UGGT2: variants seen among roughly 807,000 people sequenced by gnomAD.
The protein encoded by UGGT2 is UDP-glucose glycoprotein glucosyltransferase 2, also known as UDP-glucose:glycoprotein glucosyltransferase 2.
In UGGT2, 180 loss-of-function variants were observed where a neutral mutation model predicts 192.1. The observed-to-expected ratio is 0.94, with a 90% CI of 0.83 to 1.06. The LOEUF (loss-of-function observed/expected upper bound fraction) is 1.06. Among genes scored for constraint, UGGT2 ranks in the 50% least tolerant of loss-of-function variants. The pLI, the probability that UGGT2 is intolerant of heterozygous loss-of-function variation, is 0.00. For missense variants in UGGT2, 1,849 were observed against 1,795.7 expected, an observed-to-expected ratio of 1.03 and a Z score of -0.54; for synonymous variants, 580 against 591.0, an observed-to-expected ratio of 0.98 and a Z score of 0.27.
chr13:95,875,114 C>A (rs1015261332), intron 29 of UGGT2, among the ~76,000 whole-genome samples: 1 of 152,066 alleles, frequency 6.6e-6, no homozygotes, highest in Non-Finnish European at 1.5e-5. Context: ...CACTTGATAT[C>A]GTCATTCTTT....
In UGGT2 at chr13:95,837,161, A is replaced by T; in HGVS notation, c.4326T>A (p.Ser1442=). 1 of 1,614,098 alleles carries T rather than the reference A, an allele frequency of 6.2e-7. No homozygotes were observed. Among genetic ancestry groups the T allele is most frequent in the Non-Finnish European group, 8.5e-7 (1 of 1,179,978 alleles). ...NNMIYQVAIK[S]LPQDWLWCET... is the part of the protein sequence containing the mutation. ...CACACCACAGCCAGTCTTGAGGAAG[A>T]GACTTAATGGCGACTTGGTAAATCA... The change falls in exon 37 of 39, where the codon TCT becomes TCA. Residue 1442 remains serine (S), a synonymous_variant. Transcript: ENST00000376747.
intron 1 of UGGT2, among the ~76,000 whole-genome samples, chr13:96,038,827 C>G (rs956929620): frequency 7.2e-5 from 11 of 152,086 alleles, no homozygotes; most frequent in African/African-American, 2.4e-4. Context: ...CCAATTACAG[C>G]ATCAATTCTA....
At chr13:95,972,768 A>G in intron 10 of UGGT2, 97 bp from the exon 11 acceptor site, 1 of 921,368 alleles carries the variant, frequency 1.1e-6, no homozygotes, top group Non-Finnish European at 1.7e-6. Context: ...CAGAGAGTAA[A>G]TATTTTAGGT....
At chr13:95,974,661 G>A (rs1012377569) in intron 10 of UGGT2, among the ~76,000 whole-genome samples, 4 of 152,182 alleles carry the variant, frequency 2.6e-5, no homozygotes, top group African/African-American at 4.8e-5. Context: ...AAAAACTAGT[G>A]TATATTTGAG....
At chr13:95,973,674 CAAAGT>C (rs900702400) in intron 10 of UGGT2, among the ~76,000 whole-genome samples, 1 of 152,134 alleles carries the variant, frequency 6.6e-6, no homozygotes, top group African/African-American at 2.4e-5. Context: ...GTCACTAAAG[CAAAGT>C]AGTCAAGATC....
At chr13:95,906,202 C>T (rs9525079) in intron 20 of UGGT2, among the ~76,000 whole-genome samples, 128,823 of 152,156 alleles carry the variant, frequency 0.85, 54,738 homozygotes, top group East Asian at 0.93. Flanking sequence ...TTCCAGTGTT[C>T]GATATTTTTC....
chr13:95,994,426 A>AATG (rs1296097131), intron 7 of UGGT2, among the ~76,000 whole-genome samples: 2 of 151,726 alleles, frequency 1.3e-5, no homozygotes, highest in East Asian at 3.8e-4. Flanking sequence ...TTTAAAAAAT[A>AATG]ATGATTTACT....
At chr13:95,933,309 G>A (rs946861930) in intron 17 of UGGT2, among the ~76,000 whole-genome samples, 1 of 152,040 alleles carries the variant, frequency 6.6e-6, no homozygotes. Context: ...ATTCAATCTT[G>A]GGAGACCAGG....
chr13:95,971,711 G>C (rs1047465291), intron 11 of UGGT2, among the ~76,000 whole-genome samples: 2 of 152,054 alleles, frequency 1.3e-5, no homozygotes, highest in African/African-American at 4.8e-5. Flanking sequence ...CTCTTTCTAT[G>C]TGTATTATAT....
rs747260957 is a variant in UGGT2 at position 95,990,066 on chromosome 13, A to G, written c.838T>C (p.Tyr280His). 29 of 1,589,656 alleles carry G rather than the reference A, an allele frequency of 1.8e-5. No individual in the cohort carries two copies. Among genetic ancestry groups the G allele is most frequent in the Non-Finnish European group, 2.2e-5 (26 of 1,166,564 alleles). Residue 280 changes from tyrosine to histidine, a missense_variant, in exon 8 of 39, where the codon TAT (tyrosine) becomes CAT (histidine). Physicochemically the swap from Tyr to His is moderately conservative, Grantham distance 83. Coordinates refer to ENST00000376747, the MANE Select transcript of UGGT2 (RefSeq NM_020121.4). The stretch of plus-strand genomic sequence containing the variant: ...GTCAGATTATCTCTAAGATCTGAAT[A>G]TATTTCTCTGCATCAAAATATTAAG... ...GFLFGKLKEI[Y>H]SDLRDNLTAF...
intron 34 of UGGT2, among the ~76,000 whole-genome samples, chr13:95,855,068 T>C (rs1889446986): frequency 6.9e-6 from 1 of 145,810 alleles, no homozygotes; most frequent in African/African-American, 2.6e-5. Context: ...GGCCAGAAGT[T>C]TGAGACCAGC....
At position 95,884,574 on chromosome 13, in the gene UGGT2, T is replaced by C; in HGVS notation, c.3145A>G (p.Ile1049Val). The C allele has an allele frequency of 6.2e-7, 1 of 1,613,970 alleles. No individual in the cohort carries two copies. Among genetic ancestry groups the C allele is most frequent in the Non-Finnish European group, 8.5e-7 (1 of 1,179,934 alleles). Reference sequence around the variant, plus strand: ...CCTTCTGGAGTAATCATGTTGAGGATTAGGAGGGGTGATTCAGGAATATCC... The same window carrying C: ...CCTTCTGGAGTAATCATGTTGAGGACTAGGAGGGGTGATTCAGGAATATCC... ...FLDIPESPLL[I>V]LNMITPEGWL... Residue 1049 changes from isoleucine (I) to valine (V), a missense_variant, in exon 27 of 39, where the codon ATC (isoleucine) becomes GTC (valine). Physicochemically the swap from Ile to Val is conservative, Grantham distance 29. Transcript: ENST00000376747.
chr13:96,034,742 T>C (rs2052947151), intron 1 of UGGT2, among the ~76,000 whole-genome samples: 1 of 152,324 alleles, frequency 6.6e-6, no homozygotes, highest in African/African-American at 2.4e-5. Context: ...AGCCACAGTC[T>C]TGTACAAAGC....
chr13:95,855,497 GTTTT>G (rs555723276), intron 34 of UGGT2, among the ~76,000 whole-genome samples: 2 of 124,572 alleles, frequency 1.6e-5, no homozygotes, highest in African/African-American at 3.0e-5. Context: ...GGCCTTGGGT[GTTTT>G]TTTTTTTTTT....
In UGGT2 at chr13:95,867,421, T is replaced by C. The variant is rs765219391; in HGVS notation, c.3476A>G (p.His1159Arg). ...GTCTGCTTGAGAGTCAGTTCCTTCATGCCTAAAAGTAGAAAAATGTGTCCA... is the reference window on the plus strand; with the variant it reads ...GTCTGCTTGAGAGTCAGTTCCTTCACGCCTAAAAGTAGAAAAATGTGTCCA... ...KSEDIYQIVGHEGTDSQADLE... is the reference protein window; with the variant it reads ...KSEDIYQIVGREGTDSQADLE... The change falls in exon 30 of 39, where the codon CAT becomes CGT. Residue 1159 changes from histidine (H) to arginine (R), a missense_variant and splice_region_variant. His to Arg is a conservative substitution (Grantham distance 29). Coordinates refer to ENST00000376747, the MANE Select transcript of UGGT2 (RefSeq NM_020121.4). 2.5e-6 allele frequency: 4 copies of C among 1,602,440 alleles called. No homozygotes were observed. Among genetic ancestry groups the C allele is most frequent in the Admixed American group, 3.5e-5 (2 of 57,352 alleles).
intron 38 of UGGT2, among the ~76,000 whole-genome samples, chr13:95,821,442 C>A (rs932481155): frequency 2.0e-5 from 3 of 151,754 alleles, no homozygotes; most frequent in African/African-American, 7.3e-5. Context: ...TTATTTTTTT[C>A]TTGCTAATTT....
At chr13:95,865,250 A>C (rs1890547454) in intron 30 of UGGT2, among the ~76,000 whole-genome samples, 1 of 152,052 alleles carries the variant, frequency 6.6e-6, no homozygotes, top group Non-Finnish European at 1.5e-5. Context: ...TCATGGGCTG[A>C]TCCTCTATGT....
At chr13:95,913,004 A>G (rs2048553446) in intron 20 of UGGT2, among the ~76,000 whole-genome samples, 1 of 152,240 alleles carries the variant, frequency 6.6e-6, no homozygotes, top group African/African-American at 2.4e-5. Flanking sequence ...TCCCTATTTA[A>G]TAAATGGTGC....
intron 1 of UGGT2, among the ~76,000 whole-genome samples, chr13:96,033,711 G>T (rs533469105): frequency 6.6e-6 from 1 of 152,140 alleles, no homozygotes; most frequent in Admixed American, 6.5e-5. Context: ...GCCACAACCC[G>T]GCTGGTTGTA....
Sources: allele counts gnomAD v4.1 joint callset (sites outside exome capture counted in the v4.1 genomes callset), GRCh38; gene constraint gnomAD v4.1.1; transcripts MANE v1.5; gene names NCBI Gene and HGNC (gene_info 2026-07-23, HGNC 2026-07-21).